Variants in PXDNL observed in about 807,000 individuals in gnomAD.
The protein encoded by PXDNL is peroxidasin like.
A neutral mutation model predicts 150.8 loss-of-function variants in PXDNL; 145 were observed. The observed-to-expected ratio is 0.96, with a 90% CI of 0.84 to 1.10. The LOEUF is 1.10. Ranked by LOEUF, PXDNL falls within the 50% of genes least tolerant of loss-of-function variation. PXDNL has a pLI of 0.00. For synonymous variants in PXDNL, 757 were observed against 725.7 expected (o/e 1.04, Z -0.69); for missense variants, 2,087 against 1,873.9 (o/e 1.11, Z -2.10).
chr8:51,765,794 ACTT>A (rs1212384373), intron 1 of PXDNL, among the ~76,000 whole-genome samples: 2 of 150,546 alleles, frequency 1.3e-5, no homozygotes, highest in African/African-American at 2.4e-5. Flanking sequence ...ATTACTGCCT[ACTT>A]CTTTGTTAAA....
In PXDNL at chr8:51,753,199, A is replaced by C. The variant is rs539773591; in HGVS notation, c.164+55982T>G. On this transcript the variant is annotated intron_variant, in intron 1 of 22. Coordinates refer to ENST00000356297, the MANE Select transcript of PXDNL (RefSeq NM_144651.5). ...CCGGAGAAATCAAATTCCCCTTTCC[A>C]TTGTCCATTTCAATTTATCCAAAGC... is the stretch of plus-strand genomic sequence containing the variant. Among the ~76,000 whole-genome samples the C allele has an allele frequency of 2.0e-5, 3 of 152,312 alleles. No individual in the cohort carries two copies. The East Asian group carries it at 5.8e-4, about 29-fold the overall frequency.
chr8:51,712,789 T>A (rs1022884123), intron 1 of PXDNL, among the ~76,000 whole-genome samples: 1 of 152,226 alleles, frequency 6.6e-6, no homozygotes, highest in Non-Finnish European at 1.5e-5. Flanking sequence ...CTGGCAACTG[T>A]TAAAATATTC....
At chr8:51,695,691 G>T (rs1037148904) in intron 1 of PXDNL, among the ~76,000 whole-genome samples, 1 of 152,130 alleles carries the variant, frequency 6.6e-6, no homozygotes, top group Non-Finnish European at 1.5e-5. Context: ...CCCCTCACTT[G>T]CACATTAAAT....
chr8:51,348,742 A>G (rs552716811), intron 19 of PXDNL, among the ~76,000 whole-genome samples: 4 of 152,284 alleles, frequency 2.6e-5, no homozygotes, highest in East Asian at 1.9e-4. Context: ...AAACTTTACA[A>G]TAACCTATAC....
intron 3 of PXDNL, among the ~76,000 whole-genome samples, chr8:51,581,940 C>T (rs1397206661): frequency 1.3e-5 from 2 of 151,950 alleles, no homozygotes; most frequent in African/African-American, 4.8e-5. Flanking sequence ...TCTTTTTTTA[C>T]CTGTCACAGA....
chr8:51,415,034 G>A (rs955314357), intron 14 of PXDNL, among the ~76,000 whole-genome samples: 24 of 152,122 alleles, frequency 1.6e-4, no homozygotes, highest in Admixed American at 2.0e-4. Context: ...CCTATTTTGG[G>A]GATTGTATTT....
intron 1 of PXDNL, among the ~76,000 whole-genome samples, chr8:51,767,539 G>A (rs944145815): frequency 2.0e-5 from 3 of 151,984 alleles, no homozygotes; most frequent in Non-Finnish European, 4.4e-5. Context: ...TTTGTTCAGG[G>A]GCTGTATATG....
At chr8:51,591,209 G>A (rs1395988073) in intron 3 of PXDNL, among the ~76,000 whole-genome samples, 8 of 152,112 alleles carry the variant, frequency 5.3e-5, no homozygotes, top group Admixed American at 5.2e-4. Flanking sequence ...AGAATGATGA[G>A]CCAAATAAAC....
chr8:51,444,123 A>G (rs1809616873), intron 12 of PXDNL, among the ~76,000 whole-genome samples: 1 of 152,216 alleles, frequency 6.6e-6, no homozygotes, highest in East Asian at 1.9e-4. Context: ...TTCATCAATA[A>G]CAGCATCAAG....
intron 4 of PXDNL, among the ~76,000 whole-genome samples, chr8:51,501,917 A>G (rs1266044951): frequency 6.6e-6 from 1 of 152,214 alleles, no homozygotes; most frequent in Non-Finnish European, 1.5e-5. Flanking sequence ...AGGAGGGTCC[A>G]TTACAAGGTT....
rs1346088393 is a variant in PXDNL at position 51,408,809 on chromosome 8, C to A, written c.2815G>T (p.Gly939Cys). The change falls in exon 17 of 23, where the codon GGC (glycine) becomes TGC (cysteine). Residue 939 changes from glycine (G) to cysteine (C), a missense_variant. Coordinates refer to ENST00000356297, the MANE Select transcript of PXDNL (RefSeq NM_144651.5). ...TGTCGCGCGCACTCGGTGGGTGGGC[C>A]TGTAGAAAAGGGCAATAAGGGCTTT... ...SGKPLLPFST[G>C]PPTECARQEQ... 1 of 1,569,748 alleles carries A rather than the reference C, an allele frequency of 6.4e-7. No homozygotes were observed. The highest frequency in any genetic ancestry group is 1.2e-5 in the South Asian group (1 of 83,616).
At chr8:51,495,510 C>A (rs1258622405) in intron 5 of PXDNL, among the ~76,000 whole-genome samples, 7 of 151,850 alleles carry the variant, frequency 4.6e-5, no homozygotes, top group Admixed American at 3.3e-4. Flanking sequence ...TTGAAAAGAT[C>A]AACAAAATTG....
chr8:51,375,451 C>T (rs1175389841), intron 17 of PXDNL, among the ~76,000 whole-genome samples: 1 of 152,068 alleles, frequency 6.6e-6, no homozygotes, highest in Non-Finnish European at 1.5e-5. Context: ...TTAACTTGTC[C>T]CTTGTTTTAT....
Position 51,409,151 on chromosome 8 carries a change from G to C in PXDNL, c.2473C>G (p.Arg825Gly). 6.2e-7 allele frequency: 1 copy of C among 1,603,158 alleles called. No individual in the cohort carries two copies. The highest frequency in any genetic ancestry group is 8.5e-7 in the Non-Finnish European group (1 of 1,178,174). The change falls in exon 17 of 23, where the codon CGC becomes GGC. Residue 825 changes from arginine to glycine, a missense_variant. Coordinates refer to ENST00000356297, the MANE Select transcript of PXDNL (RefSeq NM_144651.5). ...DHTVPALSTA[R>G]FSDGRPCSSV... ...CTGCACGGCCGCCCATCCGAGAAGC[G>C]GGCTGTGCTCAGCGCAGGCACTGTG...
chr8:51,789,549 C>T (rs1018778374), intron 1 of PXDNL, among the ~76,000 whole-genome samples: 1 of 152,222 alleles, frequency 6.6e-6, no homozygotes, highest in East Asian at 1.9e-4. Context: ...AGATCATACA[C>T]CTTCTTAGTG....
At chr8:51,627,582 A>G (rs1048716719) in intron 2 of PXDNL, among the ~76,000 whole-genome samples, 2 of 152,186 alleles carry the variant, frequency 1.3e-5, no homozygotes, top group African/African-American at 4.8e-5. Context: ...GGTAGCTCCA[A>G]GGGGTCCTCA....
intron 2 of PXDNL, among the ~76,000 whole-genome samples, chr8:51,650,841 C>T (rs751985891): frequency 1.3e-5 from 2 of 152,138 alleles, no homozygotes; most frequent in Admixed American, 1.3e-4. Context: ...ACAAATCGAT[C>T]ACTAGTTCAT....
intron 1 of PXDNL, among the ~76,000 whole-genome samples, chr8:51,683,476 T>C (rs926692168): frequency 6.6e-6 from 1 of 151,894 alleles, no homozygotes; most frequent in Non-Finnish European, 1.5e-5. Context: ...AAAATAATCC[T>C]TTACCTAATA....
intron 4 of PXDNL, among the ~76,000 whole-genome samples, chr8:51,539,196 T>C (rs563501350): frequency 6.6e-6 from 1 of 152,192 alleles, no homozygotes; most frequent in Non-Finnish European, 1.5e-5. Context: ...AATTTTTCCA[T>C]ATGCTTTTTC....
Sources: allele counts gnomAD v4.1 joint callset (sites outside exome capture counted in the v4.1 genomes callset), GRCh38; gene constraint gnomAD v4.1.1; transcripts MANE v1.5; gene names NCBI Gene and HGNC (gene_info 2026-07-23, HGNC 2026-07-21).